PTPRD: variants seen among roughly 807,000 people sequenced by gnomAD.
PTPRD encodes the protein receptor-type tyrosine-protein phosphatase delta.
A neutral mutation model predicts 214.5 loss-of-function variants in PTPRD; 34 were observed. The ratio of observed to expected loss-of-function variants is 0.16; its 90% CI spans 0.12 to 0.21. The LOEUF is 0.21. Among genes scored for constraint, PTPRD ranks in the 10% least tolerant of loss-of-function variants. PTPRD has a pLI of 1.00. For synonymous variants in PTPRD, 1,128 were observed against 845.7 expected, an observed-to-expected ratio of 1.33 and a Z score of -5.79; for missense variants, 2,545 against 2,398.7, an observed-to-expected ratio of 1.06 and a Z score of -1.27.
At chr9:9,071,926 G>C (rs1285501741) in intron 10 of PTPRD, among the ~76,000 whole-genome samples, 1 of 152,144 alleles carries the variant, frequency 6.6e-6, no homozygotes, top group African/African-American at 2.4e-5. Flanking sequence ...TAACCTGTTT[G>C]TGTATAACAC....
chr9:10,108,771 A>C (rs1172219376), intron 3 of PTPRD, among the ~76,000 whole-genome samples: 1 of 152,132 alleles, frequency 6.6e-6, no homozygotes, highest in East Asian at 1.9e-4. Context: ...ACAAAGGGAT[A>C]CTATTCATCC....
In PTPRD at chr9:10,587,146, T is replaced by C. The variant is rs554526826; in HGVS notation, c.-600+25252A>G. ...GGTGTAATCATGAAAAGACCCATTG[T>C]GACAGGTAATACACAAACAAGTCAA... On this transcript the variant is annotated intron_variant, in intron 2 of 45. Coordinates refer to ENST00000381196, the MANE Select transcript of PTPRD (RefSeq NM_002839.4). Among the ~76,000 whole-genome samples, 53 of 152,200 alleles carry C rather than the reference T, an allele frequency of 3.5e-4. 1 individual carries two copies. Among genetic ancestry groups the C allele is most frequent in the Admixed American group, 3.1e-3 (48 of 15,260 alleles).
chr9:9,736,912 G>A (rs1378689968), intron 6 of PTPRD, among the ~76,000 whole-genome samples: 5 of 151,714 alleles, frequency 3.3e-5, no homozygotes, highest in East Asian at 1.9e-4. Flanking sequence ...TGTTTCTTAC[G>A]TTGAACACCT....
At chr9:10,277,915 T>A (rs993979053) in intron 3 of PTPRD, among the ~76,000 whole-genome samples, 21 of 151,922 alleles carry the variant, frequency 1.4e-4, no homozygotes, top group African/African-American at 4.8e-4. Context: ...TCTCAGCACT[T>A]TGGGAGGGTG....
intron 2 of PTPRD, among the ~76,000 whole-genome samples, chr9:10,565,652 T>C (rs960293161): frequency 4.6e-5 from 7 of 152,050 alleles, no homozygotes; most frequent in Non-Finnish European, 7.4e-5. Flanking sequence ...TAACCAGGCT[T>C]CCTTTCTTAC....
At chr9:8,348,010 A>G (rs1188410291) in intron 39 of PTPRD, among the ~76,000 whole-genome samples, 1 of 152,178 alleles carries the variant, frequency 6.6e-6, no homozygotes. Context: ...TGTTTGCTAA[A>G]TAAAGAGGGT....
chr9:10,499,219 G>C (rs1349899356), intron 2 of PTPRD, among the ~76,000 whole-genome samples: 1 of 151,842 alleles, frequency 6.6e-6, no homozygotes, highest in Non-Finnish European at 1.5e-5. Context: ...CAAGCTTGAG[G>C]TTTTTAAAAT....
chr9:10,037,677 G>A (rs1256098506), intron 3 of PTPRD, among the ~76,000 whole-genome samples: 1 of 151,148 alleles, frequency 6.6e-6, no homozygotes, highest in African/African-American at 2.4e-5. Flanking sequence ...CATGGGAATT[G>A]ACTACTAATA....
At chr9:9,246,468 A>G (rs150328796) in intron 9 of PTPRD, among the ~76,000 whole-genome samples, 1 of 152,076 alleles carries the variant, frequency 6.6e-6, no homozygotes, top group South Asian at 2.1e-4. Context: ...GCAAACTAGA[A>G]AAATCTGTCA....
At chr9:8,414,129 G>C (rs2093721987) in intron 35 of PTPRD, among the ~76,000 whole-genome samples, 1 of 152,062 alleles carries the variant, frequency 6.6e-6, no homozygotes. Flanking sequence ...CTTAGAACTA[G>C]TTAAATAAAT....
chr9:9,067,997 A>G (rs2099737594), intron 10 of PTPRD, among the ~76,000 whole-genome samples: 1 of 152,196 alleles, frequency 6.6e-6, no homozygotes, highest in African/African-American at 2.4e-5. Flanking sequence ...TCTCCCGGCT[A>G]CCAGTTCCTA....
chr9:9,844,419 G>T (rs951046175), intron 5 of PTPRD, among the ~76,000 whole-genome samples: 7 of 151,920 alleles, frequency 4.6e-5, no homozygotes, highest in Non-Finnish European at 8.8e-5. Flanking sequence ...AACAGAGTAG[G>T]ATGATGGCTG....
At position 9,293,930 on chromosome 9, in the gene PTPRD, T is replaced by G. The variant is rs1430692205; in HGVS notation, c.-203+103519A>C. On this transcript the variant is annotated intron_variant, in intron 9 of 45. Transcript: ENST00000381196. ...TTTTTTTTAAACCTAAAGGAATCAC[T>G]TAATAGTTTTCATTTGGCATATTCA... Among the ~76,000 whole-genome samples the G allele has an allele frequency of 2.6e-5, 4 of 151,634 alleles. No individual in the cohort carries two copies. The Admixed American group carries it at 2.6e-4, about 10-fold the overall frequency.
At chr9:9,697,713 T>C (rs1302654550) in intron 7 of PTPRD, among the ~76,000 whole-genome samples, 5 of 152,188 alleles carry the variant, frequency 3.3e-5, no homozygotes, top group Non-Finnish European at 7.3e-5. Flanking sequence ...CATATTTATA[T>C]AGTGTTTTTG....
intron 9 of PTPRD, among the ~76,000 whole-genome samples, chr9:9,352,554 T>A (rs10977678): frequency 1.1e-4 from 17 of 151,890 alleles, no homozygotes; most frequent in Admixed American, 2.6e-4. Flanking sequence ...AACTCTTCAC[T>A]CTGTTGCCTT....
At position 8,319,979 on chromosome 9, in the gene PTPRD, C is replaced by T. The variant is rs1339648965; in HGVS notation, c.5535-13G>A. The T allele has an allele frequency of 1.2e-6, 2 of 1,610,588 alleles. No homozygotes were observed. The highest frequency in any genetic ancestry group is 2.2e-5 in the South Asian group (2 of 90,664). On this transcript the variant is annotated splice_polypyrimidine_tract_variant and intron_variant, in intron 44 of 45. Transcript: ENST00000381196. ...TCCAACGCCCGCGCTGCCACAATAA[C>T]AAAGGCGATGTTACTGGGTGAGATG...
At chr9:8,466,836 T>A (rs994983052) in intron 31 of PTPRD, among the ~76,000 whole-genome samples, 2 of 151,834 alleles carry the variant, frequency 1.3e-5, no homozygotes, top group African/African-American at 4.8e-5. Flanking sequence ...AGCCCTGTTT[T>A]TGTAAATAGA....
chr9:8,787,490 G>C (rs2096035068), intron 11 of PTPRD, among the ~76,000 whole-genome samples: 1 of 151,972 alleles, frequency 6.6e-6, no homozygotes, highest in African/African-American at 2.4e-5. Flanking sequence ...CCTTTTTCTA[G>C]TCTATTAATG....
intron 9 of PTPRD, among the ~76,000 whole-genome samples, chr9:9,289,947 G>A (rs961794375): frequency 6.6e-6 from 1 of 151,736 alleles, no homozygotes; most frequent in Non-Finnish European, 1.5e-5. Context: ...TCAAGAACCT[G>A]ACTTCACTTC....
Sources: allele counts gnomAD v4.1 joint callset (sites outside exome capture counted in the v4.1 genomes callset), GRCh38; gene constraint gnomAD v4.1.1; transcripts MANE v1.5; gene names NCBI Gene and HGNC (gene_info 2026-07-23, HGNC 2026-07-21).